DNM3: variants seen among roughly 807,000 people sequenced by gnomAD.
DNM3 encodes dynamin 3, also known as dynamin-3.
DNM3 carries 47 observed loss-of-function variants against 101.6 expected under a neutral mutation model. That is an observed-to-expected ratio of 0.46 (90% CI 0.37 to 0.59). DNM3 has a LOEUF of 0.59. DNM3 is among the 20% of genes least tolerant of loss of function. DNM3 has a pLI of 0.00. For synonymous variants in DNM3, 385 were observed against 387.9 expected, an observed-to-expected ratio of 0.99 and a Z score of 0.09; for missense variants, 849 against 1,085.7, an observed-to-expected ratio of 0.78 and a Z score of 3.06.
At chr1:172,219,101 G>A (rs1199973244) in intron 14 of DNM3, among the ~76,000 whole-genome samples, 6 of 151,814 alleles carry the variant, frequency 4.0e-5, no homozygotes, top group African/African-American at 7.3e-5. Flanking sequence ...GCCTGTAATC[G>A]CAGTGCTTTG....
At chr1:172,221,065 C>T (rs1464115592) in intron 14 of DNM3, among the ~76,000 whole-genome samples, 3 of 152,048 alleles carry the variant, frequency 2.0e-5, no homozygotes, top group African/African-American at 4.8e-5. Flanking sequence ...CCCTTCTCCC[C>T]TTTTCCTTCT....
chr1:172,396,887 G>A (rs2070049698), intron 20 of DNM3, among the ~76,000 whole-genome samples: 1 of 152,124 alleles, frequency 6.6e-6, no homozygotes, highest in Non-Finnish European at 1.5e-5. Context: ...GACTTTTAAA[G>A]GCATTTCGCA....
At chr1:171,967,880 G>C (rs1158963844) in intron 2 of DNM3, among the ~76,000 whole-genome samples, 1 of 152,154 alleles carries the variant, frequency 6.6e-6, no homozygotes, top group Admixed American at 6.5e-5. Flanking sequence ...TCTGTGAAGA[G>C]AGATTTGAAG....
chr1:171,996,972 T>C (rs1442832869), intron 4 of DNM3, among the ~76,000 whole-genome samples: 2 of 151,938 alleles, frequency 1.3e-5, no homozygotes, highest in East Asian at 3.9e-4. Flanking sequence ...GTTGAGGCTG[T>C]GGTGAGCTGT....
intron 15 of DNM3, among the ~76,000 whole-genome samples, chr1:172,303,187 A>T (rs1431223703): frequency 1.3e-5 from 2 of 152,176 alleles, no homozygotes; most frequent in Non-Finnish European, 2.9e-5. Context: ...AAGACCTTAA[A>T]TGACCTGATG....
intron 8 of DNM3, 113 bp downstream of exon 8, chr1:172,042,257 A>C: frequency 1.0e-6 from 1 of 975,216 alleles, no homozygotes; most frequent in Non-Finnish European, 1.4e-6. Context: ...TTCTTTGAAC[A>C]AAACCTCCAT....
intron 14 of DNM3, chr1:172,133,370 A>C (rs1274853863): frequency 1.0e-6 from 1 of 992,292 alleles, no homozygotes; most frequent in African/African-American, 1.7e-5. Context: ...ATGGAAAATA[A>C]ATATGCACAG....
At chr1:172,071,117 A>ATATATATATATATATATATATC (rs1553362093) in intron 11 of DNM3, among the ~76,000 whole-genome samples, 1 of 131,694 alleles carries the variant, frequency 7.6e-6, no homozygotes, top group African/African-American at 2.9e-5. Context: ...ATATATATAT[A>ATATATATATATATATATATATC]TATCTTAGTT....
chr1:172,407,640 C>T (rs751164921), intron 20 of DNM3, 132 bp from the exon 21 acceptor site: 7 of 814,670 alleles, frequency 8.6e-6, no homozygotes, highest in African/African-American at 6.8e-5. Flanking sequence ...AAAATCATTA[C>T]AGATCATAAC....
At chr1:172,007,619 T>A (rs1453613707) in intron 4 of DNM3, among the ~76,000 whole-genome samples, 2 of 152,158 alleles carry the variant, frequency 1.3e-5, no homozygotes, top group East Asian at 3.9e-4. Context: ...GAGCAAATTT[T>A]ACTTTTGATT....
At chr1:172,273,443 C>T (rs2063159393) in intron 15 of DNM3, among the ~76,000 whole-genome samples, 1 of 151,862 alleles carries the variant, frequency 6.6e-6, no homozygotes, top group Non-Finnish European at 1.5e-5. Context: ...TAAAGCATTG[C>T]AAAACAAGAC....
intron 13 of DNM3, among the ~76,000 whole-genome samples, chr1:172,118,819 G>A (rs905271587): frequency 3.3e-5 from 5 of 151,926 alleles, no homozygotes; most frequent in Non-Finnish European, 7.4e-5. Context: ...TCCTGCAAGT[G>A]CCCATCTCTC....
chr1:171,881,652 G>A (rs1323458795), intron 1 of DNM3, among the ~76,000 whole-genome samples: 2 of 152,192 alleles, frequency 1.3e-5, no homozygotes. Flanking sequence ...TGGGCATTCT[G>A]CTGAAATGGC....
At chr1:172,160,787 A>G (rs1261453819) in intron 14 of DNM3, among the ~76,000 whole-genome samples, 1 of 152,072 alleles carries the variant, frequency 6.6e-6, no homozygotes, top group African/African-American at 2.4e-5. Flanking sequence ...TATATACTGT[A>G]TATAATTGTA....
rs531775842 is a variant in DNM3 at position 171,899,065 on chromosome 1, G to C, written c.162-22683G>C. Among the ~76,000 whole-genome samples the C allele has an allele frequency of 3.9e-5, 6 of 152,318 alleles. No homozygotes were observed. The South Asian group carries it at 1.0e-3, about 26-fold the overall frequency. ...CTTAGCCCCTCCGGACGCTTGCCTAGCTGGGCTGAGGCAGGCTGAGGCCTG... is the reference window on the plus strand; with the variant it reads ...CTTAGCCCCTCCGGACGCTTGCCTACCTGGGCTGAGGCAGGCTGAGGCCTG... On this transcript the variant is annotated intron_variant, in intron 1 of 20. Transcript: ENST00000627582.
chr1:172,099,336 CT>C (rs1334735402), intron 13 of DNM3, among the ~76,000 whole-genome samples: 3 of 152,182 alleles, frequency 2.0e-5, no homozygotes, highest in African/African-American at 7.2e-5. Context: ...ACAGACTGGG[CT>C]TTGGAATCCC....
chr1:172,085,087 G>T (rs1051492085), intron 12 of DNM3, among the ~76,000 whole-genome samples: 8 of 151,806 alleles, frequency 5.3e-5, no homozygotes, highest in Admixed American at 4.6e-4. Context: ...CGTGTGTAAT[G>T]TGTCCAAATA....
At chr1:172,044,076 C>G (rs953936690) in intron 8 of DNM3, among the ~76,000 whole-genome samples, 4 of 152,100 alleles carry the variant, frequency 2.6e-5, no homozygotes, top group African/African-American at 9.7e-5. Flanking sequence ...CCATATTCAG[C>G]AAAAGAATGA....
chr1:172,188,059 T>G (rs1383945166), intron 14 of DNM3, among the ~76,000 whole-genome samples: 1 of 152,116 alleles, frequency 6.6e-6, no homozygotes, highest in Non-Finnish European at 1.5e-5. Flanking sequence ...AAATATGCCT[T>G]GAATTCCAAA....
Sources: allele counts gnomAD v4.1 joint callset (sites outside exome capture counted in the v4.1 genomes callset), GRCh38; gene constraint gnomAD v4.1.1; transcripts MANE v1.5; gene names NCBI Gene and HGNC (gene_info 2026-07-23, HGNC 2026-07-21).